SNX14: variants seen among roughly 807,000 people sequenced by gnomAD.
The protein encoded by SNX14 is sorting nexin 14.
A neutral mutation model predicts 133.8 loss-of-function variants in SNX14; 93 were observed. That is an observed-to-expected ratio of 0.70 (90% CI 0.59 to 0.83). The LOEUF (loss-of-function observed/expected upper bound fraction) is 0.83, where lower values mean the gene tolerates loss of function less well. SNX14 is among the 40% of genes least tolerant of loss of function. The pLI, the probability that SNX14 is intolerant of heterozygous loss-of-function variation, is 0.00. For synonymous variants in SNX14, 368 were observed against 365.6 expected (o/e 1.01, Z -0.07); for missense variants, 945 against 1,094.9 (o/e 0.86, Z 1.93).
chr6:85,570,767 C>T (rs892644211), intron 4 of SNX14, among the ~76,000 whole-genome samples: 1 of 151,838 alleles, frequency 6.6e-6, no homozygotes, highest in Non-Finnish European at 1.5e-5. Flanking sequence ...GCAAGAGAAT[C>T]GTTTGAACTC....
chr6:85,581,552 T>TG (rs1367475626), intron 1 of SNX14: 3 of 152,160 alleles, frequency 2.0e-5, no homozygotes, highest in African/African-American at 7.2e-5. Flanking sequence ...ACCTTTCAGA[T>TG]GGAGAATTCA....
intron 12 of SNX14, 121 bp downstream of exon 12, chr6:85,546,991 C>G (rs1226716316): frequency 1.7e-6 from 1 of 593,026 alleles, no homozygotes; most frequent in African/African-American, 2.0e-5. Context: ...AAAAGGAAAT[C>G]GAGTATATGA....
intron 24 of SNX14, 21 bp from the exon 25 acceptor site, chr6:85,514,255 A>C (rs958029213): frequency 6.3e-7 from 1 of 1,596,560 alleles, no homozygotes; most frequent in Non-Finnish European, 8.5e-7. Context: ...ATCAAATGGG[A>C]TACCTCATTG....
intron 1 of SNX14, among the ~76,000 whole-genome samples, chr6:85,590,644 C>G (rs1802487597): frequency 6.6e-6 from 1 of 152,148 alleles, no homozygotes; most frequent in South Asian, 2.1e-4. Context: ...TTAAATTACC[C>G]AGTTTTAGAT....
chr6:85,579,960 G>A (rs553019554), intron 1 of SNX14, among the ~76,000 whole-genome samples: 2 of 152,236 alleles, frequency 1.3e-5, no homozygotes, highest in South Asian at 4.2e-4. Flanking sequence ...TCTATCTGGC[G>A]ATCTTGTTCT....
chr6:85,543,098 A>T, intron 14 of SNX14, 84 bp downstream of exon 14: 1 of 1,237,998 alleles, frequency 8.1e-7, no homozygotes, highest in Admixed American at 2.9e-5. Flanking sequence ...TTATTTTGTT[A>T]TTTGAATCAC....
intron 21 of SNX14, 95 bp downstream of exon 21, chr6:85,526,031 T>C: frequency 1.4e-6 from 1 of 715,226 alleles, no homozygotes; most frequent in East Asian, 3.2e-5. Flanking sequence ...CCTCGGAGTT[T>C]ACCATAGGCT....
At chr6:85,577,217 C>A (rs532582883) in intron 1 of SNX14, among the ~76,000 whole-genome samples, 2 of 151,978 alleles carry the variant, frequency 1.3e-5, no homozygotes, top group Admixed American at 6.6e-5. Flanking sequence ...AGTTTGAGAC[C>A]AGCCTGGCCA....
At chr6:85,535,669 A>G (rs192445900) in intron 17 of SNX14, among the ~76,000 whole-genome samples, 2 of 152,010 alleles carry the variant, frequency 1.3e-5, no homozygotes, top group Non-Finnish European at 2.9e-5. Context: ...GCATAAAAAA[A>G]CGGCTTTATT....
At chr6:85,591,073 G>T (rs1443843805) in intron 1 of SNX14, among the ~76,000 whole-genome samples, 1 of 152,026 alleles carries the variant, frequency 6.6e-6, no homozygotes, top group Non-Finnish European at 1.5e-5. Context: ...GACTTCATAG[G>T]GGTCAGTGGC....
chr6:85,541,697 T>C (rs945434037), intron 15 of SNX14, among the ~76,000 whole-genome samples: 2 of 152,356 alleles, frequency 1.3e-5, no homozygotes, highest in Non-Finnish European at 2.9e-5. Context: ...ATGCCACTTA[T>C]GCATTCAGTC....
intron 21 of SNX14, among the ~76,000 whole-genome samples, chr6:85,519,876 A>G (rs1776245592): frequency 6.6e-6 from 1 of 151,802 alleles, no homozygotes; most frequent in Non-Finnish European, 1.5e-5. Context: ...TCAAAAAACA[A>G]AACAAAACAA....
chr6:85,575,535 C>T (rs570500841), intron 1 of SNX14, among the ~76,000 whole-genome samples: 3 of 152,202 alleles, frequency 2.0e-5, no homozygotes, highest in Admixed American at 6.5e-5. Context: ...ATCTGCAATA[C>T]ACTTTACAAA....
chr6:85,584,998 C>T lies in SNX14; in HGVS notation c.140+8581G>A, dbSNP rs954934466. 1.8e-4 allele frequency among the ~76,000 whole-genome samples: 28 copies of T among 152,224 alleles called. No individual in the cohort carries two copies. In the South Asian group the frequency reaches 2.9e-3, roughly 16 times the overall value. On this transcript the variant is annotated intron_variant, in intron 1 of 28. Transcript: ENST00000314673. ...ACAATAGCAGAGACTTGGAACCAAC[C>T]GAAATGCCCATCAGTGATAGACTGG...
At chr6:85,547,765 T>C (rs1448870858) in intron 9 of SNX14, among the ~76,000 whole-genome samples, 1 of 152,260 alleles carries the variant, frequency 6.6e-6, no homozygotes, top group African/African-American at 2.4e-5. Flanking sequence ...ATAAAAGCTA[T>C]TCTGATTTTG....
At chr6:85,509,261 C>G (rs1698171765) in intron 26 of SNX14, among the ~76,000 whole-genome samples, 1 of 152,100 alleles carries the variant, frequency 6.6e-6, no homozygotes, top group Non-Finnish European at 1.5e-5. Flanking sequence ...CTCTGGCTCT[C>G]CATGTTGTTT....
chr6:85,533,587 A>C lies in SNX14; in HGVS notation c.1810+12T>G. On this transcript the variant is annotated intron_variant, in intron 18 of 28. Coordinates refer to ENST00000314673, the MANE Select transcript of SNX14 (RefSeq NM_153816.6). The stretch of plus-strand genomic sequence containing the variant: ...GGCATCTTTTAAGAAAGGTGCTCAG[A>C]AAGCTTCCTACCTGCTCTTCTATCA... 6.2e-7 allele frequency: 1 copy of C among 1,609,366 alleles called. No homozygotes were observed. The highest frequency in any genetic ancestry group is 8.5e-7 in the Non-Finnish European group (1 of 1,178,954).
intron 15 of SNX14, among the ~76,000 whole-genome samples, chr6:85,540,852 A>G (rs1783481199): frequency 6.6e-6 from 1 of 152,138 alleles, no homozygotes; most frequent in African/African-American, 2.4e-5. Context: ...TGTTTATTAG[A>G]TACTTGCTCA....
Position 85,543,647 on chromosome 6 carries a change from T to C in SNX14, c.1222A>G (p.Lys408Glu). 1 of 1,588,694 alleles carries C rather than the reference T, an allele frequency of 6.3e-7. No individual in the cohort carries two copies. Among genetic ancestry groups the C allele is most frequent in the Non-Finnish European group, 8.6e-7 (1 of 1,165,796 alleles). Residue 408 changes from lysine to glutamate, a missense_variant, in exon 13 of 29, where the codon AAA becomes GAA. Transcript: ENST00000314673. ...KTYCLDESID[K>E]IRFDPFIVEE... ...ACAATGAAGGGATCAAATCTAATTT[T>C]GTCAATACTTTCATCCAAACAGTAT...
Sources: allele counts gnomAD v4.1 joint callset (sites outside exome capture counted in the v4.1 genomes callset), GRCh38; gene constraint gnomAD v4.1.1; transcripts MANE v1.5; gene names NCBI Gene and HGNC (gene_info 2026-07-23, HGNC 2026-07-21).